PLD5: variants seen among roughly 807,000 people sequenced by gnomAD.
The protein encoded by PLD5 is phospholipase D family member 5, also known as inactive phospholipase D5.
A neutral mutation model predicts 61.1 loss-of-function variants in PLD5; 36 were observed. The ratio of observed to expected loss-of-function variants is 0.59; its 90% CI spans 0.45 to 0.78. The LOEUF is 0.78. Among genes scored for constraint, PLD5 ranks in the 30% least tolerant of loss-of-function variants. The probability of loss-of-function intolerance (pLI) is 0.00; values close to 1 mark genes in which losing one functional copy is unlikely to be tolerated. For synonymous variants in PLD5, 243 were observed against 242.8 expected (o/e 1.00, Z -0.01); for missense variants, 515 against 644.4 (o/e 0.80, Z 2.17).
chr1:242,428,711 C>T (rs1308780136), intron 1 of PLD5, among the ~76,000 whole-genome samples: 3 of 144,226 alleles, frequency 2.1e-5, no homozygotes, highest in Admixed American at 7.2e-5. Flanking sequence ...AATTCTATAC[C>T]AAAGAAGAAG....
intron 9 of PLD5, among the ~76,000 whole-genome samples, chr1:242,099,603 C>A (rs1660533128): frequency 6.6e-6 from 1 of 152,194 alleles, no homozygotes. Flanking sequence ...CCAGACCCGG[C>A]TCCTTCCCCC....
chr1:242,225,433 T>C (rs1258290459), intron 4 of PLD5, among the ~76,000 whole-genome samples: 1 of 151,748 alleles, frequency 6.6e-6, no homozygotes, highest in Non-Finnish European at 1.5e-5. Flanking sequence ...AACAGTGGTT[T>C]CCCTTTGCTG....
At chr1:242,475,446 A>G (rs567962799) in intron 1 of PLD5, among the ~76,000 whole-genome samples, 42 of 151,506 alleles carry the variant, frequency 2.8e-4, no homozygotes, top group Admixed American at 2.4e-3. Context: ...AAAAAAGAAA[A>G]CAATAAAAGA....
At chr1:242,270,578 C>T (rs1574644421) in intron 3 of PLD5, among the ~76,000 whole-genome samples, 1 of 152,366 alleles carries the variant, frequency 6.6e-6, no homozygotes, top group East Asian at 1.9e-4. Flanking sequence ...TTTCCATTCC[C>T]AGCTACGGTC....
intron 4 of PLD5, among the ~76,000 whole-genome samples, chr1:242,227,909 A>G (rs1185201487): frequency 6.6e-6 from 1 of 152,248 alleles, no homozygotes; most frequent in Non-Finnish European, 1.5e-5. Flanking sequence ...TAGTTAATGC[A>G]TCATCCCAGG....
At chr1:242,490,882 A>G (rs374566454) in intron 1 of PLD5, among the ~76,000 whole-genome samples, 3 of 152,190 alleles carry the variant, frequency 2.0e-5, no homozygotes, top group Admixed American at 6.5e-5. Context: ...CATTCCTAAT[A>G]AAATCCGTGG....
intron 9 of PLD5, among the ~76,000 whole-genome samples, chr1:242,098,273 T>C (rs1660405703): frequency 6.6e-6 from 1 of 152,210 alleles, no homozygotes; most frequent in Non-Finnish European, 1.5e-5. Context: ...TTATTCTTTT[T>C]TCTCTAAACT....
At chr1:242,394,539 CAT>C (rs1271246863) in intron 1 of PLD5, among the ~76,000 whole-genome samples, 14 of 18,408 alleles carry the variant, frequency 7.6e-4, no homozygotes, top group Non-Finnish European at 1.0e-3. Context: ...TATATGTGAA[CAT>C]ATATATGTGT....
intron 5 of PLD5, among the ~76,000 whole-genome samples, chr1:242,138,862 G>A (rs1230757644): frequency 6.6e-6 from 1 of 152,142 alleles, no homozygotes; most frequent in Non-Finnish European, 1.5e-5. Context: ...TACCTGCCAG[G>A]ATTAAACCTC....
intron 1 of PLD5, among the ~76,000 whole-genome samples, chr1:242,407,751 G>A (rs112671713): frequency 0.04 from 6,081 of 151,872 alleles, 414 homozygotes; most frequent in African/African-American, 0.14. Context: ...GCTAATTTTT[G>A]TATTTTTAGT....
intron 6 of PLD5, among the ~76,000 whole-genome samples, chr1:242,114,710 A>C (rs1661807123): frequency 6.6e-6 from 1 of 152,098 alleles, no homozygotes; most frequent in South Asian, 2.1e-4. Flanking sequence ...TAAGGGATCT[A>C]GGTTGTGTGA....
At chr1:242,272,400 T>C (rs1394607436) in intron 3 of PLD5, among the ~76,000 whole-genome samples, 1 of 152,146 alleles carries the variant, frequency 6.6e-6, no homozygotes, top group African/African-American at 2.4e-5. Flanking sequence ...CTTGATTATA[T>C]GTATACTTTT....
intron 5 of PLD5, among the ~76,000 whole-genome samples, chr1:242,127,164 C>G (rs929325623): frequency 2.6e-5 from 4 of 152,006 alleles, no homozygotes; most frequent in African/African-American, 9.7e-5. Flanking sequence ...TAGATGTTGG[C>G]GTGGATGTGA....
At chr1:242,148,188 A>G (rs1836768) in intron 5 of PLD5, among the ~76,000 whole-genome samples, 71,256 of 150,684 alleles carry the variant, frequency 0.47, 18,121 homozygotes, top group African/African-American at 0.66. Context: ...TTTTGAATCG[A>G]TTTTTGCATA....
chr1:242,388,757 C>T (rs1175181150), intron 1 of PLD5, among the ~76,000 whole-genome samples: 1 of 152,026 alleles, frequency 6.6e-6, no homozygotes, highest in Non-Finnish European at 1.5e-5. Flanking sequence ...GAGTTCAAGA[C>T]CAGCCTGGCC....
chr1:242,522,990 G>T lies in PLD5; in HGVS notation c.189+1098C>A, dbSNP rs1669327227. 3.9e-5 allele frequency among the ~76,000 whole-genome samples: 6 copies of T among 152,296 alleles called. 1 individual carries two copies. In the South Asian group the frequency reaches 1.2e-3, roughly 32 times the overall value. On this transcript the variant is annotated intron_variant, in intron 1 of 9. Transcript: ENST00000536534. ...ATAGAGAAATGCCCCTTCTTCGCGT[G>T]TTTCCTCCTGGGAAGAAGCCTGTTG...
intron 5 of PLD5, among the ~76,000 whole-genome samples, chr1:242,157,914 C>T (rs1665514672): frequency 6.6e-6 from 1 of 152,228 alleles, no homozygotes; most frequent in Non-Finnish European, 1.5e-5. Flanking sequence ...GCTGTGCCCA[C>T]AGCTGTCCCT....
intron 1 of PLD5, among the ~76,000 whole-genome samples, chr1:242,363,589 T>C (rs1460164560): frequency 6.6e-6 from 1 of 151,044 alleles, no homozygotes; most frequent in Non-Finnish European, 1.5e-5. Context: ...ATTCACAACC[T>C]CTGGCATCTA....
chr1:242,483,528 A>G (rs566663533), intron 1 of PLD5, among the ~76,000 whole-genome samples: 182 of 152,350 alleles, frequency 1.2e-3, no homozygotes, highest in African/African-American at 4.3e-3. Context: ...ATATATATGC[A>G]CCCAATACAG....
Sources: allele counts gnomAD v4.1 joint callset (sites outside exome capture counted in the v4.1 genomes callset), GRCh38; gene constraint gnomAD v4.1.1; transcripts MANE v1.5; gene names NCBI Gene and HGNC (gene_info 2026-07-23, HGNC 2026-07-21).